SGCZ: variants seen among roughly 807,000 people sequenced by gnomAD.
SGCZ encodes the protein zeta-sarcoglycan.
In SGCZ, 40 loss-of-function variants were observed where a neutral mutation model predicts 41.3. The observed-to-expected ratio is 0.97, with a 90% CI of 0.75 to 1.26. The LOEUF is 1.26. SGCZ is among the 50% of genes most tolerant of loss of function. The pLI is 0.00. For synonymous variants in SGCZ, 206 were observed against 137.5 expected (o/e 1.50, Z -3.49); for missense variants, 552 against 369.8 (o/e 1.49, Z -4.04).
intron 4 of SGCZ, among the ~76,000 whole-genome samples, chr8:14,231,196 T>TGTG (rs1554483289): frequency 6.9e-5 from 7 of 101,346 alleles, no homozygotes; most frequent in Non-Finnish European, 1.3e-4. Flanking sequence ...TGTGTGTGTG[T>TGTG]AGTGGGGAGA....
chr8:14,818,424 A>T (rs1351194692), intron 1 of SGCZ, among the ~76,000 whole-genome samples: 1 of 152,214 alleles, frequency 6.6e-6, no homozygotes, highest in African/African-American at 2.4e-5. Context: ...GCCAGAACCA[A>T]AACCAACATA....
chr8:14,531,227 T>C (rs1178639188), intron 2 of SGCZ, among the ~76,000 whole-genome samples: 1 of 151,476 alleles, frequency 6.6e-6, no homozygotes, highest in Non-Finnish European at 1.5e-5. Context: ...CGTTTCCCCA[T>C]TCTAAGCCCA....
chr8:14,221,790 A>G (rs908726504), intron 4 of SGCZ, among the ~76,000 whole-genome samples: 8 of 152,064 alleles, frequency 5.3e-5, no homozygotes, highest in African/African-American at 1.9e-4. Flanking sequence ...ATAAAAAATT[A>G]GCTGGGTGTG....
At chr8:14,234,178 T>C (rs1447341757) in intron 4 of SGCZ, among the ~76,000 whole-genome samples, 2 of 152,118 alleles carry the variant, frequency 1.3e-5, no homozygotes, top group Non-Finnish European at 2.9e-5. Flanking sequence ...ATTTAGTTTT[T>C]GTTAGGCTTG....
At chr8:14,705,059 C>T (rs561128122) in intron 1 of SGCZ, among the ~76,000 whole-genome samples, 1 of 152,070 alleles carries the variant, frequency 6.6e-6, no homozygotes, top group South Asian at 2.1e-4. Context: ...AATTTCGAAG[C>T]TGATCTTTTT....
At chr8:15,038,814 C>CAAAAAAAAAAAAAAAAAA (rs58922339) in intron 1 of SGCZ, among the ~76,000 whole-genome samples, 1 of 93,088 alleles carries the variant, frequency 1.1e-5, no homozygotes, top group African/African-American at 4.0e-5. Context: ...TGACATTTCT[C>CAAAAAAAAAAAAAAAAAA]AAAAAAAAAA....
chr8:14,567,131 T>G (rs1213978838), intron 1 of SGCZ, among the ~76,000 whole-genome samples: 1 of 152,212 alleles, frequency 6.6e-6, no homozygotes, highest in East Asian at 1.9e-4. Context: ...CTCTTCCCCA[T>G]GGGCTCTGGT....
rs141968869 is a variant in SGCZ at position 14,289,951 on chromosome 8, G to A, written c.336+34152C>T. Among the ~76,000 whole-genome samples, 898 of 152,092 alleles carry A rather than the reference G, an allele frequency of 5.9e-3. 7 individuals are homozygous for A. The highest frequency in any genetic ancestry group is 0.02 in the African/African-American group (823 of 41,482). ...AAGCAGGCACCTTCTTCATAAGGCA[G>A]GAGAGTGAGTGAGTGGCGAACCACC... is the stretch of plus-strand genomic sequence containing the variant. On this transcript the variant is annotated intron_variant, in intron 3 of 7. Transcript: ENST00000382080.
intron 1 of SGCZ, among the ~76,000 whole-genome samples, chr8:15,164,014 C>T (rs1263124819): frequency 1.3e-5 from 2 of 152,196 alleles, no homozygotes; most frequent in Admixed American, 6.5e-5. Flanking sequence ...CCAATGGCCG[C>T]CGGGAAGCGC....
At chr8:14,688,923 T>C (rs1027387936) in intron 1 of SGCZ, among the ~76,000 whole-genome samples, 2 of 151,996 alleles carry the variant, frequency 1.3e-5, no homozygotes, top group South Asian at 2.1e-4. Flanking sequence ...AGTCTCAGGA[T>C]ACAAAATCAA....
At chr8:15,209,726 C>T (rs1197170728) in intron 1 of SGCZ, among the ~76,000 whole-genome samples, 2 of 151,790 alleles carry the variant, frequency 1.3e-5, no homozygotes, top group African/African-American at 4.8e-5. Flanking sequence ...TTTGTCTTAT[C>T]GTTGACCACC....
intron 2 of SGCZ, among the ~76,000 whole-genome samples, chr8:14,406,122 T>A (rs1799206264): frequency 1.3e-5 from 2 of 152,114 alleles, no homozygotes; most frequent in African/African-American, 2.4e-5. Context: ...GTTTCCCATC[T>A]TCTGTGCTTT....
At chr8:14,211,255 G>A (rs1805797183) in intron 4 of SGCZ, among the ~76,000 whole-genome samples, 1 of 152,072 alleles carries the variant, frequency 6.6e-6, no homozygotes, top group Non-Finnish European at 1.5e-5. Flanking sequence ...CCTGGGCTGT[G>A]CAGTCATCCC....
At chr8:14,121,479 A>G (rs1449725571) in intron 5 of SGCZ, among the ~76,000 whole-genome samples, 1 of 152,180 alleles carries the variant, frequency 6.6e-6, no homozygotes, top group Non-Finnish European at 1.5e-5. Context: ...TTGTTTTTAA[A>G]AAATATGTGA....
intron 5 of SGCZ, among the ~76,000 whole-genome samples, chr8:14,108,612 C>G (rs1802281238): frequency 6.6e-6 from 1 of 151,948 alleles, no homozygotes; most frequent in Non-Finnish European, 1.5e-5. Context: ...CTCCATGGTT[C>G]AAATTATCTC....
intron 1 of SGCZ, among the ~76,000 whole-genome samples, chr8:14,959,943 T>C (rs969190239): frequency 2.0e-5 from 3 of 152,170 alleles, no homozygotes; most frequent in Non-Finnish European, 4.4e-5. Flanking sequence ...ACCATGGGGC[T>C]GAGCAACCAA....
At chr8:14,642,936 G>C (rs1249468840) in intron 1 of SGCZ, among the ~76,000 whole-genome samples, 1 of 151,424 alleles carries the variant, frequency 6.6e-6, no homozygotes, top group African/African-American at 2.4e-5. Flanking sequence ...AGAGATTTCT[G>C]TTTCACACCT....
At chr8:14,447,594 G>A (rs1412991812) in intron 2 of SGCZ, among the ~76,000 whole-genome samples, 2 of 152,102 alleles carry the variant, frequency 1.3e-5, no homozygotes, top group African/African-American at 2.4e-5. Flanking sequence ...CTCTTACGCT[G>A]TGCTTTAAAC....
chr8:15,024,229 C>T (rs929399121), intron 1 of SGCZ, among the ~76,000 whole-genome samples: 1 of 151,928 alleles, frequency 6.6e-6, no homozygotes, highest in African/African-American at 2.4e-5. Context: ...TTTCATGGTG[C>T]TTTTGATGTT....
Sources: gnomAD v4.1 joint callset for allele counts (sites outside exome capture counted in the v4.1 genomes callset) on GRCh38, gnomAD v4.1.1 for gene constraint, MANE v1.5 for transcripts, NCBI Gene and HGNC (gene_info 2026-07-23, HGNC 2026-07-21) for gene names.